The following NPFFR2 variants were observed in gnomAD, a reference collection of about 807,000 sequenced individuals.
The protein encoded by NPFFR2 is G-protein coupled receptor 74.
A neutral mutation model predicts 13.1 loss-of-function variants in NPFFR2; 15 were observed. The observed-to-expected ratio is 1.15, with a 90% CI of 0.77 to 1.76. The LOEUF (loss-of-function observed/expected upper bound fraction) is 1.76, where lower values mean the gene tolerates loss of function less well. Ranked by LOEUF, NPFFR2 falls within the 40% of genes most tolerant of loss-of-function variation. NPFFR2 has a pLI of 0.00. For synonymous variants in NPFFR2, 190 were observed against 175.7 expected (o/e 1.08, Z -0.65); for missense variants, 572 against 503.5 (o/e 1.14, Z -1.30).
At chr4:72,071,235 A>C (rs1188454863) in intron 1 of NPFFR2, among the ~76,000 whole-genome samples, 1 of 152,160 alleles carries the variant, frequency 6.6e-6, no homozygotes, top group Non-Finnish European at 1.5e-5. Context: ...GAATATCGTA[A>C]ATGTCAATGC....
At chr4:72,124,928 C>T (rs1198658242) in intron 1 of NPFFR2, among the ~76,000 whole-genome samples, 2 of 152,060 alleles carry the variant, frequency 1.3e-5, no homozygotes, top group Admixed American at 6.6e-5. Flanking sequence ...AAATGAGATC[C>T]AATGAAACTA....
At chr4:72,145,231 T>C (rs1000762722) in intron 3 of NPFFR2, among the ~76,000 whole-genome samples, 32 of 148,106 alleles carry the variant, frequency 2.2e-4, no homozygotes, top group African/African-American at 7.0e-4. Context: ...TACTCATATA[T>C]GTACATTTAT....
At chr4:72,098,442 A>G (rs1721132419) in intron 1 of NPFFR2, among the ~76,000 whole-genome samples, 1 of 138,710 alleles carries the variant, frequency 7.2e-6, no homozygotes, top group Non-Finnish European at 1.6e-5. Context: ...AAATTTGTGA[A>G]CTTTCCCAAA....
chr4:72,127,158 G>A lies in NPFFR2; in HGVS notation c.-7-1427G>A, dbSNP rs535056518. On this transcript the variant is annotated intron_variant, in intron 1 of 3. Transcript: ENST00000308744. Reference sequence around the variant, plus strand: ...TCTACTAAAAATACAAAAAAAATTCGCTGGGCGTGGTGGCGGGTGCCTGTA... The same window carrying A: ...TCTACTAAAAATACAAAAAAAATTCACTGGGCGTGGTGGCGGGTGCCTGTA... Among the ~76,000 whole-genome samples the A allele has an allele frequency of 7.4e-3, 1,113 of 150,544 alleles. 13 individuals carry two copies. Among genetic ancestry groups the A allele is most frequent in the African/African-American group, 0.025 (1,027 of 41,016 alleles).
intron 1 of NPFFR2, among the ~76,000 whole-genome samples, chr4:72,116,282 T>G (rs1029459674): frequency 2.6e-5 from 4 of 152,162 alleles, no homozygotes; most frequent in Admixed American, 2.6e-4. Flanking sequence ...TTAAGTAGAA[T>G]TCCACTGTTA....
intron 1 of NPFFR2, among the ~76,000 whole-genome samples, chr4:72,060,100 G>T (rs1199316059): frequency 6.6e-6 from 1 of 152,080 alleles, no homozygotes; most frequent in Non-Finnish European, 1.5e-5. Flanking sequence ...TAAAAATTGG[G>T]TGAGAGACTA....
intron 1 of NPFFR2, among the ~76,000 whole-genome samples, chr4:72,045,707 G>A (rs1045099032): frequency 4.0e-5 from 6 of 148,458 alleles, no homozygotes; most frequent in African/African-American, 1.5e-4. Flanking sequence ...TTGTAATAAA[G>A]TTTGAATATC....
rs552887817 is a variant in NPFFR2, at chr4:72,131,395, A to G, written c.328+2476A>G. On this transcript the variant is annotated intron_variant, in intron 2 of 3. Coordinates refer to ENST00000308744, the MANE Select transcript of NPFFR2 (RefSeq NM_004885.3). The stretch of plus-strand genomic sequence containing the variant: ...CTCACTCATAGGTGGGAATTGAACA[A>G]TGAGATCACATGGACACAGGAAGGG... 3.6e-4 allele frequency among the ~76,000 whole-genome samples: 50 copies of G among 137,306 alleles called. No individual in the cohort carries two copies. In the South Asian group the frequency reaches 0.011, roughly 30 times the overall value. The allele number at this position is 137,306 out of a possible 152,430, so 90.1% of individuals were successfully genotyped here.
At chr4:72,040,998 A>G (rs1484255822) in intron 1 of NPFFR2, among the ~76,000 whole-genome samples, 3 of 151,514 alleles carry the variant, frequency 2.0e-5, no homozygotes, top group African/African-American at 7.3e-5. Context: ...CTTTTAAAAA[A>G]TTTTTAACTT....
At chr4:72,139,786 T>A (rs537015185) in intron 3 of NPFFR2, among the ~76,000 whole-genome samples, 1 of 152,328 alleles carries the variant, frequency 6.6e-6, no homozygotes, top group African/African-American at 2.4e-5. Flanking sequence ...TTTTTCCAAT[T>A]CTGTGAAGAA....
At chr4:72,094,138 C>T (rs1484851177) in intron 1 of NPFFR2, among the ~76,000 whole-genome samples, 1 of 152,160 alleles carries the variant, frequency 6.6e-6, no homozygotes, top group African/African-American at 2.4e-5. Context: ...CTGCCAGGCT[C>T]CACCTGGTGC....
intron 1 of NPFFR2, among the ~76,000 whole-genome samples, chr4:72,095,163 A>G (rs1692810266): frequency 6.6e-6 from 1 of 152,212 alleles, no homozygotes; most frequent in African/African-American, 2.4e-5. Flanking sequence ...AAGGATAGTA[A>G]GAAGACGAGT....
chr4:72,128,739 A>G lies in NPFFR2; in HGVS notation c.148A>G (p.Ile50Val), dbSNP rs1281317620. 12 of 1,614,128 alleles carry G rather than the reference A, an allele frequency of 7.4e-6. No homozygotes were observed. The highest frequency in any genetic ancestry group is 1.0e-5 in the Non-Finnish European group (12 of 1,180,012). ...GCCTCAAGTGGCAGCAATCTTCATTATTTCCTACTTTCTGATCTTCTTTTT... is the reference window on the plus strand; with the variant it reads ...GCCTCAAGTGGCAGCAATCTTCATTGTTTCCTACTTTCTGATCTTCTTTTT... ...HQPQVAAIFI[I>V]SYFLIFFLCM... Residue 50 changes from isoleucine (I) to valine (V), a missense_variant, in exon 2 of 4, where the codon ATT (isoleucine) becomes GTT (valine). Ile to Val is a conservative substitution (Grantham distance 29). Coordinates refer to ENST00000308744, the MANE Select transcript of NPFFR2 (RefSeq NM_004885.3).
At chr4:72,118,573 T>C (rs1366439065) in intron 1 of NPFFR2, among the ~76,000 whole-genome samples, 1 of 152,150 alleles carries the variant, frequency 6.6e-6, no homozygotes, top group Non-Finnish European at 1.5e-5. Flanking sequence ...TTTTAAACTC[T>C]ATGTTATTAC....
At chr4:72,067,578 T>C (rs550524789) in intron 1 of NPFFR2, among the ~76,000 whole-genome samples, 1 of 152,128 alleles carries the variant, frequency 6.6e-6, no homozygotes, top group East Asian at 1.9e-4. Context: ...GAGCATTTTT[T>C]CAAATCTTTA....
At position 72,091,838 on chromosome 4, in the gene NPFFR2, G is replaced by A. The variant is rs114537732; in HGVS notation, c.-7-36747G>A. Among the ~76,000 whole-genome samples the A allele has an allele frequency of 2.9e-3, 446 of 151,868 alleles. 1 individual carries two copies. Among genetic ancestry groups the A allele is most frequent in the African/African-American group, 0.01 (425 of 41,450 alleles). ...TTTGTTGTTGTTTCTATTTCATTTA[G>A]TTTTGCTCTGATCATGTTTGTTTCT... On this transcript the variant is annotated intron_variant, in intron 1 of 3. Transcript: ENST00000308744.
rs28556752 is a variant in NPFFR2 at position 72,094,612 on chromosome 4, G to A, written c.-7-33973G>A. Among the ~76,000 whole-genome samples the A allele has an allele frequency of 8.2e-3, 1,245 of 152,208 alleles. 8 individuals carry two copies. Among genetic ancestry groups the A allele is most frequent in the African/African-American group, 0.018 (732 of 41,548 alleles). ...GTTGCCAGGGAAGTAGGGGAAAGCC[G>A]GCAACCTCAGGCCTCACCCAGCTCC... On this transcript the variant is annotated intron_variant, in intron 1 of 3. Coordinates refer to ENST00000308744, the MANE Select transcript of NPFFR2 (RefSeq NM_004885.3).
Position 72,104,455 on chromosome 4 carries a change from C to T in NPFFR2, c.-7-24130C>T, listed in dbSNP as rs112819566. ...GTATAGTGAACTTCCTGGTTGAGAA[C>T]GTGAAATGTTTTTGTACATTTCTGA... On this transcript the variant is annotated intron_variant, in intron 1 of 3. Coordinates refer to ENST00000308744, the MANE Select transcript of NPFFR2 (RefSeq NM_004885.3). Among the ~76,000 whole-genome samples the T allele has an allele frequency of 1.2e-3, 182 of 152,106 alleles. 1 individual carries two copies. Among genetic ancestry groups the T allele is most frequent in the African/African-American group, 3.8e-3 (156 of 41,516 alleles).
intron 1 of NPFFR2, among the ~76,000 whole-genome samples, chr4:72,079,900 G>A (rs1051703321): frequency 2.0e-5 from 3 of 152,182 alleles, no homozygotes; most frequent in Admixed American, 2.0e-4. Flanking sequence ...CTTGTTGAAT[G>A]AGGAAAACAG....
Sources: allele counts gnomAD v4.1 joint callset (sites outside exome capture counted in the v4.1 genomes callset), GRCh38; gene constraint gnomAD v4.1.1; transcripts MANE v1.5; gene names NCBI Gene and HGNC (gene_info 2026-07-23, HGNC 2026-07-21).